The following CDK14 variants were observed in gnomAD, a reference collection of about 807,000 sequenced individuals.
CDK14 encodes the protein cyclin dependent kinase 14.
In CDK14, 34 loss-of-function variants were observed where a neutral mutation model predicts 60.7. The observed-to-expected ratio is 0.56, with a 90% confidence interval of 0.43 to 0.75. The LOEUF (loss-of-function observed/expected upper bound fraction) is 0.75, where lower values mean the gene tolerates loss of function less well. Among genes scored for constraint, CDK14 ranks in the 30% least tolerant of loss-of-function variants. The pLI is 0.00. For synonymous variants in CDK14, 197 were observed against 203.7 expected, an observed-to-expected ratio of 0.97 and a Z score of 0.28; for missense variants, 482 against 564.1, an observed-to-expected ratio of 0.85 and a Z score of 1.47.
At chr7:90,978,272 G>A (rs1005924284) in intron 9 of CDK14, among the ~76,000 whole-genome samples, 24 of 152,092 alleles carry the variant, frequency 1.6e-4, no homozygotes, top group Non-Finnish European at 3.1e-4. Flanking sequence ...CACAGCATGC[G>A]GAGGCTTCAC....
At position 90,596,710 on chromosome 7, in the gene CDK14, G is replaced by C; in HGVS notation, c.83G>C (p.Ser28Thr). The C allele has an allele frequency of 6.2e-7, 1 of 1,611,496 alleles. No individual in the cohort carries two copies. Among genetic ancestry groups the C allele is most frequent in the Non-Finnish European group, 8.5e-7 (1 of 1,178,860 alleles). Residue 28 changes from serine to threonine, a missense_variant, in exon 1 of 15, where the codon AGT (serine) becomes ACT (threonine). Transcript: ENST00000380050. ...KLRRTLSESF[S>T]RIALKKDDTT... is the part of the protein sequence containing the mutation. ...CGGAGAACTTTGTCGGAGAGTTTCA[G>C]TCGCATTGGTGAGTAGCGCGCTGCC... is the stretch of plus-strand genomic sequence containing the variant.
chr7:90,778,485 C>T (rs928155943), intron 4 of CDK14, among the ~76,000 whole-genome samples: 1 of 152,206 alleles, frequency 6.6e-6, no homozygotes, highest in Non-Finnish European at 1.5e-5. Flanking sequence ...ACTGTGTGCT[C>T]CTGCAGGAAT....
At chr7:91,048,879 ATATTT>A (rs1438549665) in intron 11 of CDK14, among the ~76,000 whole-genome samples, 1 of 151,600 alleles carries the variant, frequency 6.6e-6, no homozygotes, top group East Asian at 1.9e-4. Context: ...GAAGTTCTTT[ATATTT>A]TATTTTATTA....
At chr7:90,747,043 T>C (rs1009962183) in intron 3 of CDK14, among the ~76,000 whole-genome samples, 1 of 152,190 alleles carries the variant, frequency 6.6e-6, no homozygotes, top group Admixed American at 6.5e-5. Context: ...TACAGCTGTG[T>C]TGTAGTTTGA....
intron 13 of CDK14, among the ~76,000 whole-genome samples, chr7:91,113,176 G>A (rs1259765041): frequency 2.0e-5 from 3 of 152,202 alleles, no homozygotes; most frequent in Admixed American, 6.5e-5. Context: ...AGACCATCTT[G>A]GTTGTAACAA....
chr7:90,657,091 T>C (rs748971898), intron 2 of CDK14, among the ~76,000 whole-genome samples: 14 of 152,192 alleles, frequency 9.2e-5, no homozygotes, highest in Admixed American at 2.0e-4. Flanking sequence ...ATTTGGTTGA[T>C]TAGAAATTCC....
intron 11 of CDK14, among the ~76,000 whole-genome samples, chr7:91,057,716 A>C (rs1362210329): frequency 6.6e-6 from 1 of 152,310 alleles, no homozygotes; most frequent in African/African-American, 2.4e-5. Flanking sequence ...AGATAGTTGT[A>C]GATATGCGAC....
chr7:90,970,598 A>G (rs958769920), intron 9 of CDK14, among the ~76,000 whole-genome samples: 46 of 152,240 alleles, frequency 3.0e-4, no homozygotes, highest in African/African-American at 1.1e-3. Flanking sequence ...ACCTACACTA[A>G]GACATTTAAA....
At chr7:90,687,013 C>G (rs1002462618) in intron 2 of CDK14, among the ~76,000 whole-genome samples, 30 of 151,862 alleles carry the variant, frequency 2.0e-4, no homozygotes, top group Middle Eastern at 3.4e-3. Flanking sequence ...GTGACTGCCT[C>G]TAATATGTGA....
chr7:91,063,128 T>G (rs1410210103), intron 11 of CDK14, among the ~76,000 whole-genome samples: 1 of 152,190 alleles, frequency 6.6e-6, no homozygotes, highest in Non-Finnish European at 1.5e-5. Context: ...TCATCTCATC[T>G]CCCATAGTAG....
chr7:90,815,709 C>T (rs992086426), intron 5 of CDK14, among the ~76,000 whole-genome samples: 1 of 152,178 alleles, frequency 6.6e-6, no homozygotes, highest in African/African-American at 2.4e-5. Context: ...AAATGTGGCA[C>T]ATGTATACCA....
intron 5 of CDK14, among the ~76,000 whole-genome samples, chr7:90,859,777 G>A (rs544216588): frequency 2.4e-4 from 36 of 152,054 alleles, no homozygotes; most frequent in Non-Finnish European, 4.6e-4. Flanking sequence ...TCTTGGTGTT[G>A]TAAATCTCTC....
chr7:90,879,706 C>T (rs1210161670), intron 6 of CDK14, among the ~76,000 whole-genome samples: 2 of 151,870 alleles, frequency 1.3e-5, no homozygotes, highest in Admixed American at 6.6e-5. Flanking sequence ...AACAAACCTG[C>T]ACATTGTGCA....
At chr7:90,686,392 T>C (rs1323533049) in intron 2 of CDK14, among the ~76,000 whole-genome samples, 1 of 152,204 alleles carries the variant, frequency 6.6e-6, no homozygotes, top group Non-Finnish European at 1.5e-5. Context: ...ATCATTACCA[T>C]GTCAGCTGCC....
intron 8 of CDK14, among the ~76,000 whole-genome samples, chr7:90,930,096 T>G (rs139398326): frequency 6.6e-6 from 1 of 152,136 alleles, no homozygotes; most frequent in African/African-American, 2.4e-5. Context: ...TAATAGCTTG[T>G]TTTTTAGGAC....
intron 4 of CDK14, among the ~76,000 whole-genome samples, chr7:90,757,748 C>G (rs1202757996): frequency 2.0e-5 from 3 of 152,058 alleles, no homozygotes; most frequent in Admixed American, 2.0e-4. Context: ...ACTACAGGCA[C>G]GTGCCACCAC....
At chr7:91,002,970 G>C (rs1245149160) in intron 10 of CDK14, among the ~76,000 whole-genome samples, 1 of 152,090 alleles carries the variant, frequency 6.6e-6, no homozygotes, top group Non-Finnish European at 1.5e-5. Context: ...TGTTTGGGAG[G>C]CTGAGGCAGG....
intron 4 of CDK14, among the ~76,000 whole-genome samples, chr7:90,781,996 A>G (rs1260071033): frequency 1.3e-5 from 2 of 152,102 alleles, no homozygotes; most frequent in Non-Finnish European, 2.9e-5. Flanking sequence ...GAATCTATAA[A>G]TTACCTTGGG....
intron 2 of CDK14, among the ~76,000 whole-genome samples, chr7:90,637,292 A>G (rs372436854): frequency 0.074 from 11,237 of 151,598 alleles, 484 homozygotes; most frequent in Middle Eastern, 0.18. Context: ...ATTTCCCTCT[A>G]CACACTGCTT....
Sources: gnomAD v4.1 joint callset for allele counts (sites outside exome capture counted in the v4.1 genomes callset) on GRCh38, gnomAD v4.1.1 for gene constraint, MANE v1.5 for transcripts, NCBI Gene and HGNC (gene_info 2026-07-23, HGNC 2026-07-21) for gene names.